Variants in FAM200A observed in about 807,000 individuals in gnomAD.
FAM200A encodes the protein protein FAM200A.
FAM200A carries 26 observed loss-of-function variants against 44.2 expected under a neutral mutation model. The ratio of observed to expected loss-of-function variants is 0.59; its 90% CI spans 0.43 to 0.82. The LOEUF (loss-of-function observed/expected upper bound fraction) is 0.82, where lower values mean the gene tolerates loss of function less well. Among genes scored for constraint, FAM200A ranks in the 40% least tolerant of loss-of-function variants. The pLI, the probability that FAM200A is intolerant of heterozygous loss-of-function variation, is 0.00. For synonymous variants in FAM200A, 206 were observed against 244.4 expected (o/e 0.84, Z 1.47); for missense variants, 606 against 669.5 (o/e 0.91, Z 1.05).
At chr7:99,553,070 C>CATATATATATATATATATAT (rs1178743418), upstream of FAM200A, among the ~76,000 whole-genome samples, 1 of 74,040 alleles carries the variant, frequency 1.4e-5, no homozygotes, top group Admixed American at 1.9e-4. Flanking sequence ...TATACACACA[C>CATATATATATATATATATAT]ATATATATAT....
chr7:99,549,403 G>A (rs1313842047), intron 1 of FAM200A, among the ~76,000 whole-genome samples: 3 of 152,108 alleles, frequency 2.0e-5, no homozygotes, highest in Non-Finnish European at 4.4e-5. Context: ...GAAACAACAG[G>A]TGCCGGAGAG....
Position 99,547,023 on chromosome 7 carries a change from T to C in FAM200A, c.1385A>G (p.Glu462Gly), listed in dbSNP as rs1378385710. Residue 462 changes from glutamate (E) to glycine (G), a missense_variant, in exon 2 of 2, where the codon GAA (glutamate) becomes GGA (glycine). Coordinates refer to ENST00000449309, the MANE Select transcript of FAM200A (RefSeq NM_145111.4). ...CTCCAAGTTTAACTCAATTATTGAT[T>C]CTGGGTTTTGAAAAGCAAATGGATC... Reference protein sequence around the residue: ...MKDPFAFQNPESIIELNLEPE... With the variant: ...MKDPFAFQNPGSIIELNLEPE... 1 of 1,548,522 alleles carries C rather than the reference T, an allele frequency of 6.5e-7. No homozygotes were observed. Among genetic ancestry groups the C allele is most frequent in the Non-Finnish European group, 8.7e-7 (1 of 1,146,402 alleles).
chr7:99,546,997 G>T lies in FAM200A; in HGVS notation c.1411C>A (p.Pro471Thr). The stretch of plus-strand genomic sequence containing the variant: ...TGCAATAATTCATTCTCTTCTTCAG[G>T]CTCCAAGTTTAACTCAATTATTGAT... ...PESIIELNLEPEEENELLQLS... is the reference protein window; with the variant it reads ...PESIIELNLETEEENELLQLS... Residue 471 changes from proline (P) to threonine (T), a missense_variant, in exon 2 of 2, where the codon CCT (proline) becomes ACT (threonine). By Grantham distance (38) the Pro-to-Thr change is conservative. Transcript: ENST00000449309. 1 of 1,549,766 alleles carries T rather than the reference G, an allele frequency of 6.5e-7. No individual in the cohort carries two copies.
chr7:99,550,838 G>A (rs537811413), intron 1 of FAM200A, among the ~76,000 whole-genome samples: 7 of 152,250 alleles, frequency 4.6e-5, no homozygotes, highest in Non-Finnish European at 7.4e-5. Context: ...ACTTTGGGAG[G>A]CCGAGGCGGG....
At chr7:99,553,072 T>C (rs201235553), upstream of FAM200A, among the ~76,000 whole-genome samples, 675 of 71,500 alleles carry the variant, frequency 9.4e-3, 6 homozygotes, top group East Asian at 0.026. Flanking sequence ...TACACACACA[T>C]ATATATATAT....
At chr7:99,553,472 C>T (rs1032784767), upstream of FAM200A, among the ~76,000 whole-genome samples, 1 of 152,040 alleles carries the variant, frequency 6.6e-6, no homozygotes, top group East Asian at 1.9e-4. Context: ...TCTTTGCCTA[C>T]GGACCTACTG....
upstream of FAM200A, among the ~76,000 whole-genome samples, chr7:99,555,510 A>G (rs934774966): frequency 2.0e-5 from 3 of 152,228 alleles, no homozygotes; most frequent in African/African-American, 7.2e-5. Flanking sequence ...CAGCAACTCC[A>G]TACAGCACCT....
chr7:99,551,244 G>T (rs187925551), intron 1 of FAM200A, among the ~76,000 whole-genome samples: 265 of 151,876 alleles, frequency 1.7e-3, no homozygotes, highest in African/African-American at 6.2e-3. Context: ...CTGTCTCCCA[G>T]GCTGGAGTGC....
rs1359412849 is a variant in FAM200A at position 99,547,877 on chromosome 7, A to G, written c.531T>C (p.Asn177=). 3 of 1,551,126 alleles carry G rather than the reference A, an allele frequency of 1.9e-6. No homozygotes were observed. The highest frequency in any genetic ancestry group is 2.6e-6 in the Non-Finnish European group (3 of 1,146,940). ...CTAATCCAGTTATATGTGAATTTAA[A>G]TTTAAACAACATAAGAGATCCTCTA... ...DFVEDLLCCL[N]LNSHITGLDL... is the part of the protein sequence containing the mutation. The change falls in exon 2 of 2, where the codon AAT becomes AAC. Residue 177 remains asparagine, a synonymous_variant. Transcript: ENST00000449309.
chr7:99,554,424 A>G (rs2151133046), upstream of FAM200A, among the ~76,000 whole-genome samples: 1 of 144,596 alleles, frequency 6.9e-6, no homozygotes, highest in South Asian at 2.3e-4. Context: ...GGCTGCAGTG[A>G]GCTGAGATCA....
upstream of FAM200A, among the ~76,000 whole-genome samples, chr7:99,555,364 A>G (rs371876301): frequency 5.1e-4 from 78 of 152,328 alleles, no homozygotes; most frequent in African/African-American, 1.7e-3. Context: ...CAGCCTCAAT[A>G]GGAACCACAC....
Position 99,547,644 on chromosome 7 carries a change from G to A in FAM200A, c.764C>T (p.Pro255Leu), listed in dbSNP as rs1194535928. The part of the protein sequence containing the change: ...REALVSKEIS[P>L]SLMDVLKNAV... ...ATTTTTCAATACATCCATCAGACTT[G>A]GTGAAATTTCTTTGGATACCAAAGC... Residue 255 changes from proline to leucine, a missense_variant, in exon 2 of 2, where the codon CCA (proline) becomes CTA (leucine). Coordinates refer to ENST00000449309, the MANE Select transcript of FAM200A (RefSeq NM_145111.4). The A allele has an allele frequency of 6.4e-7, 1 of 1,551,162 alleles. No homozygotes were observed. Among genetic ancestry groups the A allele is most frequent in the Non-Finnish European group, 8.7e-7 (1 of 1,146,866 alleles).
Position 99,546,714 on chromosome 7 carries a change from A to AT in FAM200A, c.1693dup (p.Met565AsnfsTer20), listed in dbSNP as rs747769295. On this transcript the variant is annotated frameshift_variant, in exon 2 of 2. Coordinates refer to ENST00000449309, the MANE Select transcript of FAM200A (RefSeq NM_145111.4). LOFTEE classifies it high-confidence loss of function. ...ATGTGATGGGTGTGCTTGTCTGTTCATAAGTTCCTTCCAGTCAGGAACACA... is the reference window on the plus strand; with the variant it reads ...ATGTGATGGGTGTGCTTGTCTGTTCATTAAGTTCCTTCCAGTCAGGAACACA... 8 of 1,538,564 alleles carry AT rather than the reference A, an allele frequency of 5.2e-6. No homozygotes were observed. Among genetic ancestry groups the AT allele is most frequent in the South Asian group, 1.2e-5 (1 of 81,464 alleles).
upstream of FAM200A, among the ~76,000 whole-genome samples, chr7:99,553,097 A>ATTT (rs1433320975): frequency 9.0e-5 from 7 of 78,144 alleles, no homozygotes; most frequent in East Asian, 3.7e-4. Flanking sequence ...ATATATATAT[A>ATTT]TATTTTTTTT....
upstream of FAM200A, among the ~76,000 whole-genome samples, chr7:99,553,118 T>C (rs1584227880): frequency 4.0e-5 from 5 of 125,694 alleles, no homozygotes; most frequent in Non-Finnish European, 3.2e-5. Context: ...TTTTTTTTTT[T>C]CCTCCTAGGG....
chr7:99,547,819 C>T lies in FAM200A; in HGVS notation c.589G>A (p.Gly197Ser). The T allele has an allele frequency of 6.4e-7, 1 of 1,551,276 alleles. No homozygotes were observed. The highest frequency in any genetic ancestry group is 1.2e-5 in the South Asian group (1 of 83,972). Reference sequence around the variant, plus strand: ...TGTTTCCAGTTTAATTTATACTGACCAAGAAGGCAGTTTTCTAATTCAGTA... The same window carrying T: ...TGTTTCCAGTTTAATTTATACTGACTAAGAAGGCAGTTTTCTAATTCAGTA... ...LFTELENCLL[G>S]QYKLNWKHCK... The change falls in exon 2 of 2, where the codon GGT becomes AGT. Residue 197 changes from glycine to serine, a missense_variant. Coordinates refer to ENST00000449309, the MANE Select transcript of FAM200A (RefSeq NM_145111.4).
At chr7:99,553,914 G>A (rs1482019864), upstream of FAM200A, among the ~76,000 whole-genome samples, 2 of 152,194 alleles carry the variant, frequency 1.3e-5, no homozygotes, top group Non-Finnish European at 2.9e-5. Flanking sequence ...TTGGCTATCG[G>A]TGGGTTCCTT....
At chr7:99,557,220 T>C (rs1237687291) in intron 1 of FAM200A, among the ~76,000 whole-genome samples, 1 of 152,186 alleles carries the variant, frequency 6.6e-6, no homozygotes, top group African/African-American at 2.4e-5. Flanking sequence ...TGGGTACCTT[T>C]TGTGGTCCTC....
At chr7:99,553,048 CACAT>C (rs1251556870), upstream of FAM200A, among the ~76,000 whole-genome samples, 4 of 124,488 alleles carry the variant, frequency 3.2e-5, no homozygotes, top group Non-Finnish European at 4.8e-5. Context: ...TATATACACA[CACAT>C]ATATATATAT....
Sources: gnomAD v4.1 joint callset for allele counts (sites outside exome capture counted in the v4.1 genomes callset) on GRCh38, gnomAD v4.1.1 for gene constraint, MANE v1.5 for transcripts, NCBI Gene and HGNC (gene_info 2026-07-23, HGNC 2026-07-21) for gene names.